STIMATE: variants seen among roughly 807,000 people sequenced by gnomAD.
The protein encoded by STIMATE is STIM activating enhancer, also known as store-operated calcium entry regulator STIMATE.
STIMATE carries 15 observed loss-of-function variants against 36.7 expected under a neutral mutation model. The observed-to-expected ratio is 0.41, with a 90% CI of 0.27 to 0.63. The LOEUF is 0.63. Ranked by LOEUF, STIMATE falls within the 20% of genes least tolerant of loss-of-function variation. The pLI is 0.32. For missense variants in STIMATE, 305 were observed against 397.3 expected, an observed-to-expected ratio of 0.77 and a Z score of 1.98; for synonymous variants, 163 against 162.3, an observed-to-expected ratio of 1.00 and a Z score of -0.03.
At chr3:52,873,404 T>C (rs926606086) in intron 1 of STIMATE, among the ~76,000 whole-genome samples, 3 of 152,186 alleles carry the variant, frequency 2.0e-5, no homozygotes, top group Admixed American at 6.5e-5. Context: ...GGTTAAAACA[T>C]TTGGTGAGGA....
At chr3:52,851,662 C>CTTTCA (rs3075874) in intron 3 of STIMATE, among the ~76,000 whole-genome samples, 3 of 151,944 alleles carry the variant, frequency 2.0e-5, no homozygotes. Context: ...CTCTCAGATA[C>CTTTCA]TTTGTGTCCA....
chr3:52,843,181 C>T, intron 6 of STIMATE: 1 of 887,624 alleles, frequency 1.1e-6, no homozygotes, highest in Non-Finnish European at 1.6e-6. Context: ...AAGGAACGTG[C>T]CCTGACGGGT....
At position 52,840,113 on chromosome 3, in the gene STIMATE, G is replaced by A. The variant is rs571737080; in HGVS notation, c.*381C>T. 75 of 152,932 alleles carry A rather than the reference G, an allele frequency of 4.9e-4. No individual in the cohort carries two copies. Among genetic ancestry groups the A allele is most frequent in the Admixed American group, 3.3e-3 (50 of 15,316 alleles). The allele number at this position is 152,932 out of a possible 1,614,324, so 9.5% of individuals were successfully genotyped here. Reference sequence around the variant, plus strand: ...TCGCACTGCCCACAGCCACGGTGAGGAGACCCACCCACGGTCTGTGTGCCT... The same window carrying A: ...TCGCACTGCCCACAGCCACGGTGAGAAGACCCACCCACGGTCTGTGTGCCT... On this transcript the variant is annotated 3_prime_UTR_variant, in exon 8 of 8. Coordinates refer to ENST00000355083, the MANE Select transcript of STIMATE (RefSeq NM_198563.5).
At chr3:52,885,513 T>C (rs573633259) in intron 1 of STIMATE, among the ~76,000 whole-genome samples, 6 of 152,330 alleles carry the variant, frequency 3.9e-5, no homozygotes, top group African/African-American at 1.4e-4. Flanking sequence ...CTCTGCTCTA[T>C]CTGGAAAGAA....
Position 52,844,946 on chromosome 3 carries a change from A to AG in STIMATE, c.428-6dup, listed in dbSNP as rs1435491655. The AG allele has an allele frequency of 9.9e-6, 16 of 1,613,316 alleles. No individual in the cohort carries two copies. The highest frequency in any genetic ancestry group is 1.4e-5 in the Non-Finnish European group (16 of 1,179,542). On this transcript the variant is annotated splice_polypyrimidine_tract_variant and splice_region_variant and intron_variant, in intron 4 of 7. Coordinates refer to ENST00000355083, the MANE Select transcript of STIMATE (RefSeq NM_198563.5). The stretch of plus-strand genomic sequence containing the variant: ...CTCCACACTGCAGAGGGTCTCCTGC[A>AG]GGGACAGGCGGGTGCTTAGTCACAT...
chr3:52,883,524 T>G (rs1023185152), intron 1 of STIMATE, among the ~76,000 whole-genome samples: 1 of 152,254 alleles, frequency 6.6e-6, no homozygotes, highest in Non-Finnish European at 1.5e-5. Context: ...TTATTTCTTC[T>G]AACATTTTTC....
At chr3:52,842,660 C>A in intron 7 of STIMATE, 151 bp downstream of exon 7, 1 of 1,466,746 alleles carries the variant, frequency 6.8e-7, no homozygotes, top group South Asian at 1.3e-5. Context: ...GTCTGCCCCT[C>A]GCTCATCTCT....
chr3:52,875,399 A>AG (rs1408411222), intron 1 of STIMATE, among the ~76,000 whole-genome samples: 1 of 152,178 alleles, frequency 6.6e-6, no homozygotes, highest in African/African-American at 2.4e-5. Flanking sequence ...GCTCATCCTC[A>AG]GCTCAAGCAG....
intron 1 of STIMATE, among the ~76,000 whole-genome samples, chr3:52,892,022 C>T (rs773956913): frequency 6.6e-6 from 1 of 152,152 alleles, no homozygotes; most frequent in Non-Finnish European, 1.5e-5. Flanking sequence ...CATGGCAGAG[C>T]GAAGCAGACA....
chr3:52,845,003 C>A, intron 4 of STIMATE, 62 bp from the exon 5 acceptor site: 1 of 1,555,112 alleles, frequency 6.4e-7, no homozygotes. Context: ...GATGATGTCC[C>A]CACCCCACTC....
chr3:52,896,088 C>A, intron 1 of STIMATE: 1 of 478,176 alleles, frequency 2.1e-6, no homozygotes, highest in Admixed American at 2.5e-5. Context: ...ACCAGAAGAA[C>A]GCGGTATCCA....
chr3:52,859,426 G>GC, intron 1 of STIMATE, among the ~76,000 whole-genome samples: 1 of 138,440 alleles, frequency 7.2e-6, no homozygotes, highest in Non-Finnish European at 1.5e-5. Context: ...CAGCACTTTG[G>GC]GAGGCCAAGG....
chr3:52,872,805 T>C (rs1446651239), intron 1 of STIMATE, among the ~76,000 whole-genome samples: 1 of 152,190 alleles, frequency 6.6e-6, no homozygotes, highest in Non-Finnish European at 1.5e-5. Context: ...TTTGTATTTT[T>C]AGTAGAGATG....
At chr3:52,847,880 G>A (rs926921570) in intron 4 of STIMATE, among the ~76,000 whole-genome samples, 14 of 152,230 alleles carry the variant, frequency 9.2e-5, no homozygotes, top group Non-Finnish European at 1.6e-4. Flanking sequence ...AGGGCAACTC[G>A]ATGTGGGATA....
chr3:52,850,823 G>T (rs924993218), intron 3 of STIMATE, among the ~76,000 whole-genome samples: 1 of 152,152 alleles, frequency 6.6e-6, no homozygotes, highest in Non-Finnish European at 1.5e-5. Flanking sequence ...CCGCCTCCTG[G>T]GTTCAAGTGA....
At chr3:52,864,508 G>GAC (rs1400688136) in intron 1 of STIMATE, among the ~76,000 whole-genome samples, 1 of 152,204 alleles carries the variant, frequency 6.6e-6, no homozygotes, top group Non-Finnish European at 1.5e-5. Flanking sequence ...ATGCCCTGGA[G>GAC]ACATTTTCCC....
At chr3:52,862,173 TCTC>T (rs1701228452) in intron 1 of STIMATE, among the ~76,000 whole-genome samples, 1 of 152,118 alleles carries the variant, frequency 6.6e-6, no homozygotes, top group South Asian at 2.1e-4. Flanking sequence ...GGCTCCTTAC[TCTC>T]CTCCTTCCTT....
At chr3:52,895,459 C>T (rs998361207) in intron 1 of STIMATE, among the ~76,000 whole-genome samples, 1 of 152,210 alleles carries the variant, frequency 6.6e-6, no homozygotes, top group African/African-American at 2.4e-5. Flanking sequence ...CAGCCATTTC[C>T]ACAAGCTCCG....
chr3:52,855,557 C>T, intron 1 of STIMATE, 113 bp from the exon 2 acceptor site: 1 of 1,443,418 alleles, frequency 6.9e-7, no homozygotes, highest in South Asian at 1.2e-5. Context: ...AGGTAATACA[C>T]ACACTCTTTT....
Sources: allele counts gnomAD v4.1 joint callset (sites outside exome capture counted in the v4.1 genomes callset), GRCh38; gene constraint gnomAD v4.1.1; transcripts MANE v1.5; gene names NCBI Gene and HGNC (gene_info 2026-07-23, HGNC 2026-07-21).